The following SMAP1 variants were observed in gnomAD, a reference collection of about 807,000 sequenced individuals.
The protein encoded by SMAP1 is small ArfGAP 1, also known as stromal membrane-associated protein 1.
A neutral mutation model predicts 58.5 loss-of-function variants in SMAP1; 24 were observed. The observed-to-expected ratio is 0.41, with a 90% CI of 0.30 to 0.58. SMAP1 has a LOEUF of 0.58. Ranked by LOEUF, SMAP1 falls within the 20% of genes least tolerant of loss-of-function variation. The pLI is 0.29. For missense variants in SMAP1, 563 were observed against 566.3 expected (o/e 0.99, Z 0.06); for synonymous variants, 216 against 196.6 (o/e 1.10, Z -0.82).
intron 1 of SMAP1, among the ~76,000 whole-genome samples, chr6:70,724,600 ACTTT>A (rs1263967137): frequency 2.0e-5 from 3 of 152,240 alleles, no homozygotes; most frequent in African/African-American, 7.2e-5. Context: ...GTATGTGGAA[ACTTT>A]CTTCTAATCA....
At chr6:70,714,877 G>A (rs566370622) in intron 1 of SMAP1, among the ~76,000 whole-genome samples, 3 of 152,134 alleles carry the variant, frequency 2.0e-5, no homozygotes, top group Non-Finnish European at 4.4e-5. Context: ...GCTGGGTATA[G>A]TATTCTTGGC....
intron 10 of SMAP1, chr6:70,859,238 C>A: frequency 1.2e-6 from 1 of 807,156 alleles, no homozygotes; most frequent in Non-Finnish European, 1.9e-6. Context: ...TGCTAAGTGT[C>A]AGTCACATGG....
intron 4 of SMAP1, among the ~76,000 whole-genome samples, chr6:70,780,466 A>C (rs1767718272): frequency 2.6e-5 from 4 of 152,140 alleles, no homozygotes; most frequent in Admixed American, 2.6e-4. Flanking sequence ...CTGTAGTTTC[A>C]GTTACTCAGG....
intron 4 of SMAP1, among the ~76,000 whole-genome samples, chr6:70,785,964 C>T (rs1424084896): frequency 1.3e-5 from 2 of 148,870 alleles, no homozygotes; most frequent in Non-Finnish European, 3.0e-5. Flanking sequence ...AGGCCAGCAT[C>T]ATCCTGATAC....
chr6:70,831,536 G>C (rs1261383063), intron 6 of SMAP1, among the ~76,000 whole-genome samples: 1 of 152,086 alleles, frequency 6.6e-6, no homozygotes, highest in East Asian at 1.9e-4. Context: ...TTCTGTTTTT[G>C]CATTAGTTTG....
At chr6:70,695,722 C>A (rs1378651552) in intron 1 of SMAP1, among the ~76,000 whole-genome samples, 1 of 152,090 alleles carries the variant, frequency 6.6e-6, no homozygotes, top group Non-Finnish European at 1.5e-5. Flanking sequence ...CAGTGTTCAT[C>A]AGGATATTGG....
chr6:70,831,402 A>T (rs1215243177), intron 6 of SMAP1, among the ~76,000 whole-genome samples: 2 of 152,020 alleles, frequency 1.3e-5, no homozygotes, highest in African/African-American at 2.4e-5. Flanking sequence ...TAGTTTTTTG[A>T]TCCTCTCCCT....
chr6:70,845,337 G>A (rs904519409), intron 7 of SMAP1, among the ~76,000 whole-genome samples: 2 of 152,180 alleles, frequency 1.3e-5, no homozygotes, highest in Non-Finnish European at 2.9e-5. Flanking sequence ...AGTGCAAGAG[G>A]GGGATGGGGC....
intron 6 of SMAP1, among the ~76,000 whole-genome samples, chr6:70,802,090 A>G (rs943107448): frequency 1.3e-5 from 2 of 152,208 alleles, no homozygotes; most frequent in Non-Finnish European, 1.5e-5. Flanking sequence ...CATTAAATCT[A>G]TAAATTACCT....
chr6:70,757,668 T>G (rs982987519), intron 3 of SMAP1, among the ~76,000 whole-genome samples: 1 of 151,522 alleles, frequency 6.6e-6, no homozygotes, highest in African/African-American at 2.4e-5. Context: ...CAAACAAATT[T>G]ACAAGAAAAA....
intron 6 of SMAP1, among the ~76,000 whole-genome samples, chr6:70,822,584 A>G (rs564438347): frequency 1.3e-5 from 2 of 152,188 alleles, no homozygotes; most frequent in Non-Finnish European, 2.9e-5. Context: ...TCAACTCTGT[A>G]TCTTTGATTT....
chr6:70,859,955 T>C (rs1448253250), intron 10 of SMAP1: 1 of 367,180 alleles, frequency 2.7e-6, no homozygotes, highest in African/African-American at 2.1e-5. Context: ...AATCCCAAGA[T>C]TGCTTTGGTA....
intron 4 of SMAP1, among the ~76,000 whole-genome samples, chr6:70,789,027 G>T (rs1218152657): frequency 6.6e-6 from 1 of 152,056 alleles, no homozygotes; most frequent in Non-Finnish European, 1.5e-5. Context: ...CTCTGTATTT[G>T]TTTTCTCCTT....
chr6:70,809,177 C>T (rs1284149702), intron 6 of SMAP1, among the ~76,000 whole-genome samples: 4 of 151,956 alleles, frequency 2.6e-5, no homozygotes, highest in Admixed American at 1.3e-4. Flanking sequence ...GAAGCAGTGA[C>T]GCTATAAGAG....
chr6:70,828,525 G>T lies in SMAP1; in HGVS notation c.577-8416G>T, dbSNP rs1349053960. Among the ~76,000 whole-genome samples, 4 of 152,178 alleles carry T rather than the reference G, an allele frequency of 2.6e-5. No individual in the cohort carries two copies. The East Asian group carries it at 7.7e-4, about 29-fold the overall frequency. The stretch of plus-strand genomic sequence containing the variant: ...CTCCCACCTACAACAATGGTGGTCA[G>T]ATTTTTCTTCCTCACTGCAGTTCAT... On this transcript the variant is annotated intron_variant, in intron 6 of 10. Coordinates refer to ENST00000370455, the MANE Select transcript of SMAP1 (RefSeq NM_001044305.3).
At chr6:70,812,867 C>T (rs945003740) in intron 6 of SMAP1, among the ~76,000 whole-genome samples, 4 of 152,074 alleles carry the variant, frequency 2.6e-5, no homozygotes, top group African/African-American at 7.2e-5. Context: ...ATTCTATACT[C>T]GTGCCCCCAG....
At chr6:70,729,522 T>C (rs1192315246) in intron 1 of SMAP1, among the ~76,000 whole-genome samples, 2 of 150,342 alleles carry the variant, frequency 1.3e-5, no homozygotes, top group Non-Finnish European at 3.0e-5. Context: ...GTTTGAACTT[T>C]AGTCCTATAT....
chr6:70,802,262 ATT>A (rs1768894260), intron 6 of SMAP1, among the ~76,000 whole-genome samples: 1 of 151,990 alleles, frequency 6.6e-6, no homozygotes, highest in Admixed American at 6.5e-5. Context: ...TAGGTATTTT[ATT>A]CTCTTTGTAG....
chr6:70,819,281 G>A (rs1396518734), intron 6 of SMAP1, among the ~76,000 whole-genome samples: 1 of 149,908 alleles, frequency 6.7e-6, no homozygotes, highest in Non-Finnish European at 1.5e-5. Context: ...ACAAAAAGAT[G>A]AGCTGCCAGT....
Sources: gnomAD v4.1 joint callset for allele counts (sites outside exome capture counted in the v4.1 genomes callset) on GRCh38, gnomAD v4.1.1 for gene constraint, MANE v1.5 for transcripts, NCBI Gene and HGNC (gene_info 2026-07-23, HGNC 2026-07-21) for gene names.